The following RET variants were observed in gnomAD, a reference collection of about 807,000 sequenced individuals.
The protein encoded by RET is ret proto-oncogene.
In RET, 19 loss-of-function variants were observed where a neutral mutation model predicts 118.3. The ratio of observed to expected loss-of-function variants is 0.16; its 90% CI spans 0.11 to 0.24. The LOEUF (loss-of-function observed/expected upper bound fraction) is 0.24, where lower values mean the gene tolerates loss of function less well. Ranked by LOEUF, RET falls within the 10% of genes least tolerant of loss-of-function variation. The pLI, the probability that RET is intolerant of heterozygous loss-of-function variation, is 1.00. For missense variants in RET, 1,219 were observed against 1,502.1 expected, an observed-to-expected ratio of 0.81 and a Z score of 3.12; for synonymous variants, 597 against 644.1, an observed-to-expected ratio of 0.93 and a Z score of 1.11.
At position 43,116,684 on chromosome 10, in the gene RET, T is replaced by C. The variant is rs755085530; in HGVS notation, c.2237T>C (p.Leu746Pro). Residue 746 changes from leucine to proline, a missense_variant, in exon 12 of 20, where the codon CTG (leucine) becomes CCG (proline). Physicochemically the swap from Leu to Pro is moderately conservative, Grantham distance 98 (BLOSUM62 -3). Transcript: ENST00000355710. ...GTGGTCAAGGCAACGGCCTTCCATC[T>C]GAAAGGCAGAGCAGGGTACACCACG... ...GKVVKATAFHLKGRAGYTTVA... is the reference protein window; with the variant it reads ...GKVVKATAFHPKGRAGYTTVA... The C allele has an allele frequency of 1.9e-6, 3 of 1,613,172 alleles. 1 individual carries two copies. The highest frequency in any genetic ancestry group is 3.3e-5 in the Admixed American group (2 of 59,920).
rs1253582681 is a variant in RET, at chr10:43,112,866, C to G, written c.1662C>G (p.Asn554Lys). ...RQGDGKGITR[N>K]FSTCSPSTKT... is the part of the protein sequence containing the mutation. Reference sequence around the variant, plus strand: ...TGTCCTGTGCAGGGATCACCAGGAACTTCTCCACCTGCTCTCCCAGCACCA... The same window carrying G: ...TGTCCTGTGCAGGGATCACCAGGAAGTTCTCCACCTGCTCTCCCAGCACCA... The change falls in exon 9 of 20, where the codon AAC becomes AAG. Residue 554 changes from asparagine (N) to lysine (K), a missense_variant. By Grantham distance (94) the Asn-to-Lys change is moderately conservative. Coordinates refer to ENST00000355710, the MANE Select transcript of RET (RefSeq NM_020975.6). 1 of 1,614,012 alleles carries G rather than the reference C, an allele frequency of 6.2e-7. No individual in the cohort carries two copies. Among genetic ancestry groups the G allele is most frequent in the South Asian group, 1.1e-5 (1 of 91,082 alleles).
chr10:43,111,364 G>A lies in RET; in HGVS notation c.1421G>A (p.Arg474Gln), dbSNP rs747139265. The A allele has an allele frequency of 2.5e-6, 4 of 1,613,954 alleles. No individual in the cohort carries two copies. The Admixed American group carries it at 5.0e-5, about 20-fold the overall frequency. The change falls in exon 7 of 20, where the codon CGG becomes CAG. Residue 474 changes from arginine (R) to glutamine (Q), a missense_variant. Physicochemically the swap from Arg to Gln is conservative, Grantham distance 43 (BLOSUM62 1). Transcript: ENST00000355710. ...TTTGTGAATGACACCAAGGCCCTGC[G>A]GCGGCCCAAGTGTGCCGAACTTCAC... Reference protein sequence around the residue: ...ILFVNDTKALRRPKCAELHYM... With the variant: ...ILFVNDTKALQRPKCAELHYM...
chr10:43,117,528 G>A (rs1838100639), intron 12 of RET, among the ~76,000 whole-genome samples: 1 of 152,232 alleles, frequency 6.6e-6, no homozygotes, highest in African/African-American at 2.4e-5. Context: ...CAGGACAGAG[G>A]AGGTGGCACG....
intron 2 of RET, 105 bp downstream of exon 2, chr10:43,100,827 AC>A (rs1287942265): frequency 8.1e-7 from 1 of 1,236,866 alleles, no homozygotes; most frequent in Non-Finnish European, 1.1e-6. Context: ...CTTCCCCCCC[AC>A]CGCTGGTGTG....
chr10:43,088,035 GGTGGTT>G (rs1171858565), intron 1 of RET, among the ~76,000 whole-genome samples: 3 of 152,092 alleles, frequency 2.0e-5, no homozygotes, highest in South Asian at 2.1e-4. Context: ...GATAGTGAGT[GGTGGTT>G]GTGGTGGTGG....
chr10:43,119,809 C>T (rs2132953217), intron 14 of RET, 64 bp downstream of exon 14: 1 of 1,538,922 alleles, frequency 6.5e-7, no homozygotes, highest in African/African-American at 1.4e-5. Context: ...CCACCACGCC[C>T]CTGCCACCCA....
chr10:43,089,982 G>A (rs919053260), intron 1 of RET, among the ~76,000 whole-genome samples: 7 of 152,246 alleles, frequency 4.6e-5, no homozygotes, highest in Non-Finnish European at 7.3e-5. Flanking sequence ...AGAGGACAGG[G>A]ATGGCCATGC....
intron 5 of RET, among the ~76,000 whole-genome samples, chr10:43,107,354 T>C (rs528657902): frequency 6.6e-6 from 1 of 152,274 alleles, no homozygotes; most frequent in East Asian, 1.9e-4. Flanking sequence ...CCCATCATTG[T>C]TTCCACCACA....
intron 3 of RET, among the ~76,000 whole-genome samples, chr10:43,103,137 G>C (rs891145381): frequency 6.6e-6 from 1 of 152,198 alleles, no homozygotes; most frequent in African/African-American, 2.4e-5. Flanking sequence ...AGCTGAGGCT[G>C]ATGGGGCAGA....
Position 43,114,745 on chromosome 10 carries a change from C to T in RET, c.2136+9C>T, listed in dbSNP as rs1331402266. 3 of 1,604,612 alleles carry T rather than the reference C, an allele frequency of 1.9e-6. No individual in the cohort carries two copies. The highest frequency in any genetic ancestry group is 2.5e-6 in the Non-Finnish European group (3 of 1,177,852). On this transcript the variant is annotated intron_variant, in intron 11 of 19. Transcript: ENST00000355710. The surrounding 1 kb of genome is among the most constrained non-coding windows in gnomAD (Gnocchi z 4.6). ...ATGCCTTCAAGATCCTGGTGAGGGT[C>T]CCTGCGGGGCAGGGAAGATCCCCTG...
intron 3 of RET, among the ~76,000 whole-genome samples, chr10:43,104,520 CA>C (rs201859195): frequency 4.6e-5 from 7 of 150,918 alleles, no homozygotes; most frequent in African/African-American, 1.2e-4. Flanking sequence ...CCATCAAAAA[CA>C]AAAAAAAAGC....
At chr10:43,080,318 C>T (rs867614369) in intron 1 of RET, among the ~76,000 whole-genome samples, 13 of 152,350 alleles carry the variant, frequency 8.5e-5, no homozygotes, top group Middle Eastern at 3.4e-3. Flanking sequence ...TAGGTCCCCT[C>T]GTCTTAACTG....
intron 1 of RET, among the ~76,000 whole-genome samples, chr10:43,082,150 G>T (rs1451413739): frequency 6.6e-6 from 1 of 152,178 alleles, no homozygotes; most frequent in Non-Finnish European, 1.5e-5. Context: ...TCCACCCTGA[G>T]ACTGCAGGCA....
intron 1 of RET, among the ~76,000 whole-genome samples, chr10:43,082,117 GA>G (rs1387775515): frequency 2.0e-5 from 3 of 152,174 alleles, no homozygotes; most frequent in African/African-American, 4.8e-5. Flanking sequence ...TAGAGGCCAT[GA>G]AGCCTGTGGG....
At chr10:43,102,741 C>T (rs552798544) in intron 3 of RET, 112 bp downstream of exon 3, 70 of 1,343,808 alleles carry the variant, frequency 5.2e-5, no homozygotes, top group Non-Finnish European at 7.0e-5. Flanking sequence ...GCCATCAGTT[C>T]ATTCAATATT....
In RET at chr10:43,118,396, C is replaced by G. The variant is rs775711017; in HGVS notation, c.2308C>G (p.Arg770Gly). ...AGAGAACGCCTCCCCGAGTGAGCTG[C>G]GAGACCTGCTGTCAGAGTTCAACGT... is the stretch of plus-strand genomic sequence containing the variant. ...LKENASPSELRDLLSEFNVLK... is the reference protein window; with the variant it reads ...LKENASPSELGDLLSEFNVLK... The change falls in exon 13 of 20, where the codon CGA (arginine) becomes GGA (glycine). Residue 770 changes from arginine to glycine, a missense_variant. Coordinates refer to ENST00000355710, the MANE Select transcript of RET (RefSeq NM_020975.6). 1 of 1,614,098 alleles carries G rather than the reference C, an allele frequency of 6.2e-7. No homozygotes were observed. Among genetic ancestry groups the G allele is most frequent in the South Asian group, 1.1e-5 (1 of 91,076 alleles).
intron 3 of RET, among the ~76,000 whole-genome samples, chr10:43,104,277 A>C (rs562620004): frequency 7.0e-6 from 1 of 141,914 alleles, no homozygotes; most frequent in South Asian, 2.4e-4. Context: ...TATTGCTTCC[A>C]TAATTGAAAA....
chr10:43,116,828 C>A (rs1315217642), intron 12 of RET, 97 bp downstream of exon 12: 1 of 1,469,306 alleles, frequency 6.8e-7, no homozygotes, highest in African/African-American at 1.4e-5. Flanking sequence ...TGAAGAGCCC[C>A]CAATGCTGTT....
chr10:43,122,633 G>T (rs939673694), intron 16 of RET, among the ~76,000 whole-genome samples: 1 of 152,058 alleles, frequency 6.6e-6, no homozygotes, highest in African/African-American at 2.4e-5. Flanking sequence ...GAGGGGATAG[G>T]GTCTCACTCT....
Sources: allele counts gnomAD v4.1 joint callset (sites outside exome capture counted in the v4.1 genomes callset), GRCh38; gene constraint gnomAD v4.1.1; non-coding constraint Gnocchi (gnomAD v3.1); transcripts MANE v1.5; gene names NCBI Gene and HGNC (gene_info 2026-07-23, HGNC 2026-07-21).